Variants in CSRNP3 observed in about 807,000 individuals in gnomAD.
The protein encoded by CSRNP3 is cysteine/serine-rich nuclear protein 3.
In CSRNP3, 12 loss-of-function variants were observed where a neutral mutation model predicts 48.0. That is an observed-to-expected ratio of 0.25 (90% CI 0.16 to 0.41). CSRNP3 has a LOEUF of 0.41. CSRNP3 is among the 10% of genes least tolerant of loss of function. The pLI, the probability that CSRNP3 is intolerant of heterozygous loss-of-function variation, is 1.00. For synonymous variants in CSRNP3, 263 were observed against 269.7 expected, an observed-to-expected ratio of 0.98 and a Z score of 0.24; for missense variants, 580 against 724.4, an observed-to-expected ratio of 0.80 and a Z score of 2.29.
chr2:165,553,987 A>C (rs1685131755), intron 3 of CSRNP3, among the ~76,000 whole-genome samples: 1 of 152,192 alleles, frequency 6.6e-6, no homozygotes, highest in Non-Finnish European at 1.5e-5. Context: ...TCCTCTGATC[A>C]GGCATTGTCT....
chr2:165,513,810 G>T (rs781396541), intron 2 of CSRNP3, among the ~76,000 whole-genome samples: 4 of 152,190 alleles, frequency 2.6e-5, no homozygotes, highest in Admixed American at 6.5e-5. Context: ...ACAATTTGCA[G>T]TGATTTCCAA....
chr2:165,567,163 A>G lies in CSRNP3; in HGVS notation c.-23-27880A>G, dbSNP rs73969300. Among the ~76,000 whole-genome samples, 322 of 152,192 alleles carry G rather than the reference A, an allele frequency of 2.1e-3. 2 individuals carry two copies. The highest frequency in any genetic ancestry group is 7.4e-3 in the African/African-American group (306 of 41,558). On this transcript the variant is annotated intron_variant, in intron 3 of 6. Coordinates refer to ENST00000651982, the MANE Select transcript of CSRNP3 (RefSeq NM_001172173.2). ...TGCTCAGTTCATATTTGACTTTAGC[A>G]TATGCTATTTTACTCCATGTTTTAT...
intron 5 of CSRNP3, among the ~76,000 whole-genome samples, chr2:165,666,923 G>A (rs1410220864): frequency 5.0e-5 from 3 of 60,464 alleles, no homozygotes; most frequent in Non-Finnish European, 1.1e-4. Context: ...AAGGAAGGGA[G>A]GAAAGAGAGA....
intron 3 of CSRNP3, among the ~76,000 whole-genome samples, chr2:165,524,104 C>G (rs1684699833): frequency 6.6e-6 from 1 of 152,130 alleles, no homozygotes. Context: ...TACATGTGAT[C>G]ATAAAGTGCA....
intron 4 of CSRNP3, among the ~76,000 whole-genome samples, chr2:165,641,859 G>A (rs1411283252): frequency 3.3e-5 from 5 of 152,216 alleles, no homozygotes; most frequent in African/African-American, 9.6e-5. Flanking sequence ...TGCAGTATAA[G>A]CATTCTTCTG....
intron 2 of CSRNP3, among the ~76,000 whole-genome samples, chr2:165,509,818 A>G (rs943903771): frequency 1.3e-5 from 2 of 152,068 alleles, no homozygotes; most frequent in Non-Finnish European, 2.9e-5. Flanking sequence ...TCTTTTTTTG[A>G]TACAGGATCC....
intron 4 of CSRNP3, among the ~76,000 whole-genome samples, chr2:165,640,603 A>G (rs1686707642): frequency 6.6e-6 from 1 of 152,206 alleles, no homozygotes. Context: ...ACATGCAGGT[A>G]GCTTCCTCTC....
At chr2:165,630,627 G>A (rs1010982885) in intron 4 of CSRNP3, among the ~76,000 whole-genome samples, 20 of 152,162 alleles carry the variant, frequency 1.3e-4, no homozygotes, top group African/African-American at 4.8e-4. Context: ...TTCTCTCCCA[G>A]TTATCAAATG....
chr2:165,673,503 A>G lies in CSRNP3; in HGVS notation c.409-2809A>G, dbSNP rs934569173. ...ATTCTAATTTTAGTATGCAGGAATA[A>G]GAGATGCAAATTTTACTTCTAAGGG... On this transcript the variant is annotated intron_variant, in intron 5 of 6. Transcript: ENST00000651982. Among the ~76,000 whole-genome samples, 4 of 152,136 alleles carry G rather than the reference A, an allele frequency of 2.6e-5. No individual in the cohort carries two copies. In the South Asian group the frequency reaches 8.3e-4, roughly 32 times the overall value.
At chr2:165,664,212 A>T (rs1687141857) in intron 5 of CSRNP3, among the ~76,000 whole-genome samples, 1 of 152,218 alleles carries the variant, frequency 6.6e-6, no homozygotes, top group Admixed American at 6.5e-5. Flanking sequence ...TATCCAAATG[A>T]TATACATATT....
chr2:165,550,623 A>C (rs192242428), intron 3 of CSRNP3, among the ~76,000 whole-genome samples: 8 of 152,330 alleles, frequency 5.3e-5, no homozygotes, highest in Non-Finnish European at 1.2e-4. Context: ...ATAAAGATTC[A>C]TTCATCCTTG....
intron 2 of CSRNP3, among the ~76,000 whole-genome samples, chr2:165,515,765 T>C (rs905807141): frequency 2.0e-5 from 3 of 151,736 alleles, no homozygotes; most frequent in Admixed American, 2.0e-4. Context: ...ATTTAATTAT[T>C]TTGTTTTAAT....
At chr2:165,551,302 C>T (rs1244642664) in intron 3 of CSRNP3, among the ~76,000 whole-genome samples, 1 of 152,162 alleles carries the variant, frequency 6.6e-6, no homozygotes, top group African/African-American at 2.4e-5. Flanking sequence ...GAAAAGTTCC[C>T]ACCAGGAGAA....
chr2:165,524,530 A>G (rs1180156599), intron 3 of CSRNP3, among the ~76,000 whole-genome samples: 5 of 152,156 alleles, frequency 3.3e-5, no homozygotes, highest in Non-Finnish European at 7.4e-5. Context: ...TGACAGTTGT[A>G]CAGAGTCATG....
intron 5 of CSRNP3, among the ~76,000 whole-genome samples, chr2:165,664,858 A>G (rs1306169696): frequency 6.6e-6 from 1 of 152,194 alleles, no homozygotes; most frequent in East Asian, 1.9e-4. Context: ...AACAAACAAT[A>G]AATAAGCTAA....
At chr2:165,668,034 C>T (rs1174994878) in intron 5 of CSRNP3, among the ~76,000 whole-genome samples, 4 of 152,130 alleles carry the variant, frequency 2.6e-5, no homozygotes, top group Non-Finnish European at 1.5e-5. Flanking sequence ...GCAAAGGATA[C>T]ACTGGTAAAC....
At chr2:165,519,800 G>A (rs891893473) in intron 3 of CSRNP3, among the ~76,000 whole-genome samples, 1 of 152,046 alleles carries the variant, frequency 6.6e-6, no homozygotes, top group African/African-American at 2.4e-5. Flanking sequence ...AATTAATTAT[G>A]TCTTATGTTT....
intron 4 of CSRNP3, among the ~76,000 whole-genome samples, chr2:165,640,301 C>T (rs12467436): frequency 1.3e-5 from 2 of 151,922 alleles, no homozygotes; most frequent in Admixed American, 6.6e-5. Flanking sequence ...ATGAGGTGAG[C>T]GAGACAGAAA....
At chr2:165,476,112 A>C (rs991668010) in intron 1 of CSRNP3, among the ~76,000 whole-genome samples, 2 of 152,228 alleles carry the variant, frequency 1.3e-5, no homozygotes, top group Non-Finnish European at 2.9e-5. Flanking sequence ...ACTCTTAGTC[A>C]ATGAATCCCC....
Sources: allele counts gnomAD v4.1 joint callset (sites outside exome capture counted in the v4.1 genomes callset), GRCh38; gene constraint gnomAD v4.1.1; transcripts MANE v1.5; gene names NCBI Gene and HGNC (gene_info 2026-07-23, HGNC 2026-07-21).